Variants in HIVEP3 observed in about 807,000 individuals in gnomAD.
HIVEP3 encodes the protein transcription factor HIVEP3.
HIVEP3 carries 49 observed loss-of-function variants against 152.8 expected under a neutral mutation model. The observed-to-expected ratio is 0.32, with a 90% confidence interval of 0.26 to 0.41. The LOEUF is 0.41. Among genes scored for constraint, HIVEP3 ranks in the 10% least tolerant of loss-of-function variants. The pLI is 1.00. For missense variants in HIVEP3, 2,790 were observed against 3,103.3 expected (o/e 0.90, Z 2.40); for synonymous variants, 1,269 against 1,289.0 (o/e 0.98, Z 0.33).
chr1:41,550,307 T>C (rs772392364), intron 5 of HIVEP3, among the ~76,000 whole-genome samples: 2 of 152,220 alleles, frequency 1.3e-5, no homozygotes, highest in African/African-American at 4.8e-5. Flanking sequence ...AGTCAGGTAG[T>C]GTGATGCCTC....
At chr1:41,639,340 T>C (rs1393423813) in intron 2 of HIVEP3, among the ~76,000 whole-genome samples, 1 of 152,150 alleles carries the variant, frequency 6.6e-6, no homozygotes, top group Non-Finnish European at 1.5e-5. Context: ...TAGCATGGTA[T>C]AGCATAGCGA....
chr1:41,690,166 G>A (rs113911530), intron 2 of HIVEP3, among the ~76,000 whole-genome samples: 1 of 152,250 alleles, frequency 6.6e-6, no homozygotes, highest in African/African-American at 2.4e-5. Flanking sequence ...GTGTGGACAG[G>A]TGAGTAGAAA....
At chr1:41,600,796 T>G (rs1644735046) in intron 3 of HIVEP3, among the ~76,000 whole-genome samples, 1 of 152,180 alleles carries the variant, frequency 6.6e-6, no homozygotes, top group Admixed American at 6.5e-5. Flanking sequence ...TCCCCTATGT[T>G]TTCTTCTAGA....
chr1:41,772,562 G>A (rs1533184), intron 1 of HIVEP3, among the ~76,000 whole-genome samples: 70,516 of 152,016 alleles, frequency 0.46, 17,069 homozygotes, highest in Non-Finnish European at 0.55. Flanking sequence ...AGAAGCCATC[G>A]GCATGGTTTC....
intron 1 of HIVEP3, among the ~76,000 whole-genome samples, chr1:41,952,869 A>C (rs183143164): frequency 6.6e-6 from 1 of 152,294 alleles, no homozygotes; most frequent in East Asian, 1.9e-4. Flanking sequence ...TTAGTATACA[A>C]GTCAAATCAT....
At chr1:41,822,243 G>C (rs1642628584) in intron 1 of HIVEP3, among the ~76,000 whole-genome samples, 1 of 152,138 alleles carries the variant, frequency 6.6e-6, no homozygotes, top group African/African-American at 2.4e-5. Context: ...AGGAAAATCT[G>C]GGTTTCTTTA....
intron 2 of HIVEP3, among the ~76,000 whole-genome samples, chr1:41,681,089 GGTGTGTGTGT>G (rs35572259): frequency 2.7e-5 from 4 of 148,244 alleles, no homozygotes; most frequent in Admixed American, 6.7e-5. Flanking sequence ...GCTAAGAACT[GGTGTGTGTGT>G]GTGTGTGTGT....
chr1:41,992,007 TAA>T (rs1645365137), intron 1 of HIVEP3, among the ~76,000 whole-genome samples: 1 of 149,614 alleles, frequency 6.7e-6, no homozygotes. Flanking sequence ...TTCAAAATAA[TAA>T]GAGCTATCTA....
At chr1:41,748,393 T>C (rs1393250970) in intron 1 of HIVEP3, among the ~76,000 whole-genome samples, 1 of 152,228 alleles carries the variant, frequency 6.6e-6, no homozygotes, top group Non-Finnish European at 1.5e-5. Flanking sequence ...GTTCTGTTCA[T>C]GACCATGGAG....
chr1:41,622,002 G>A (rs1373243427), intron 3 of HIVEP3, among the ~76,000 whole-genome samples: 1 of 152,218 alleles, frequency 6.6e-6, no homozygotes, highest in Non-Finnish European at 1.5e-5. Context: ...TTCCTGCCTG[G>A]ATTGCTGGCT....
chr1:41,558,484 G>A (rs969406757), intron 5 of HIVEP3, among the ~76,000 whole-genome samples: 1 of 152,194 alleles, frequency 6.6e-6, no homozygotes, highest in Non-Finnish European at 1.5e-5. Flanking sequence ...CTAGATGCTA[G>A]ATCTGCTGAC....
intron 1 of HIVEP3, among the ~76,000 whole-genome samples, chr1:41,708,068 G>T (rs745481062): frequency 1.2e-4 from 18 of 152,180 alleles, no homozygotes; most frequent in Admixed American, 2.6e-4. Context: ...GCCAGGAGGG[G>T]CCATCCCCCA....
intron 1 of HIVEP3, among the ~76,000 whole-genome samples, chr1:41,944,077 T>C (rs1028998849): frequency 9.2e-5 from 14 of 152,264 alleles, no homozygotes; most frequent in African/African-American, 2.9e-4. Flanking sequence ...ATAAAATTCA[T>C]AGAGACAGAA....
At chr1:41,524,031 G>A (rs919527061) in intron 6 of HIVEP3, among the ~76,000 whole-genome samples, 35 of 152,224 alleles carry the variant, frequency 2.3e-4, no homozygotes, top group African/African-American at 8.4e-4. Context: ...GGCTGTGGCA[G>A]GCCAGGCCAT....
At chr1:41,831,471 C>T (rs936361141) in intron 1 of HIVEP3, among the ~76,000 whole-genome samples, 24 of 152,270 alleles carry the variant, frequency 1.6e-4, no homozygotes, top group African/African-American at 5.8e-4. Context: ...GGGAATCATA[C>T]AGTTTTTTAT....
chr1:41,827,132 T>TCC (rs1642826866), intron 1 of HIVEP3, among the ~76,000 whole-genome samples: 1 of 152,218 alleles, frequency 6.6e-6, no homozygotes, highest in African/African-American at 2.4e-5. Context: ...ACCAGGGGGC[T>TCC]GCTGACGGCC....
chr1:41,597,486 G>A (rs900738363), intron 3 of HIVEP3, among the ~76,000 whole-genome samples: 32 of 152,268 alleles, frequency 2.1e-4, no homozygotes, highest in Admixed American at 3.9e-4. Context: ...AGTATGTTAC[G>A]CAAATTCACT....
intron 1 of HIVEP3, among the ~76,000 whole-genome samples, chr1:41,885,147 T>G (rs905927368): frequency 1.3e-5 from 2 of 152,194 alleles, no homozygotes; most frequent in South Asian, 4.1e-4. Context: ...ACAATCTCCC[T>G]GAATCATATG....
intron 1 of HIVEP3, among the ~76,000 whole-genome samples, chr1:42,013,939 A>G (rs1645506828): frequency 1.3e-5 from 2 of 152,194 alleles, no homozygotes; most frequent in Admixed American, 6.5e-5. Flanking sequence ...TTTACGAGGA[A>G]GAAAAAGTCA....
Sources: gnomAD v4.1 joint callset for allele counts (sites outside exome capture counted in the v4.1 genomes callset) on GRCh38, gnomAD v4.1.1 for gene constraint, MANE v1.5 for transcripts, NCBI Gene and HGNC (gene_info 2026-07-23, HGNC 2026-07-21) for gene names.